The following THEM4 variants were observed in gnomAD, a reference collection of about 807,000 sequenced individuals.
The protein encoded by THEM4 is thioesterase superfamily member 4, also known as acyl-coenzyme A thioesterase THEM4.
THEM4 carries 22 observed loss-of-function variants against 25.0 expected under a neutral mutation model. The ratio of observed to expected loss-of-function variants is 0.88; its 90% CI spans 0.63 to 1.26. The LOEUF is 1.26. Ranked by LOEUF, THEM4 falls within the 50% of genes most tolerant of loss-of-function variation. The probability of loss-of-function intolerance (pLI) is 0.00; values close to 1 mark genes in which losing one functional copy is unlikely to be tolerated. For missense variants in THEM4, 286 were observed against 300.3 expected, an observed-to-expected ratio of 0.95 and a Z score of 0.35; for synonymous variants, 113 against 105.6, an observed-to-expected ratio of 1.07 and a Z score of -0.43.
In THEM4 at chr1:151,874,768, G is replaced by A. The variant is rs562135725; in HGVS notation, c.*120C>T. 68 of 881,970 alleles carry A rather than the reference G, an allele frequency of 7.7e-5. No individual in the cohort carries two copies. In the East Asian group the frequency reaches 1.3e-3, roughly 17 times the overall value. 54.6% of individuals were successfully genotyped at this position (881,970 alleles called of 1,614,324 possible). A position where few individuals can be genotyped will look rare whatever the true frequency, so the allele number is the denominator to read the frequency against. ...CTCTTTGTATTCAGAAGGCTGTTTC[G>A]GAAGGTCACTGTTGGCAGGCTTCTC... On this transcript the variant is annotated 3_prime_UTR_variant, in exon 6 of 6. Coordinates refer to ENST00000368814, the MANE Select transcript of THEM4 (RefSeq NM_053055.5).
At position 151,871,325 on chromosome 1, in the gene THEM4, G is replaced by GAAAAAAAAAAAAAAAAAAA. The variant is rs11304399; in HGVS notation, c.*3562_*3563insTTTTTTTTTTTTTTTTTTT. Among the ~76,000 whole-genome samples, 1 of 123,732 alleles carries GAAAAAAAAAAAAAAAAAAA rather than the reference G, an allele frequency of 8.1e-6. No individual in the cohort carries two copies. The highest frequency in any genetic ancestry group is 3.1e-5 in the African/African-American group (1 of 32,428). 81.2% of individuals were successfully genotyped at this position (123,732 alleles called of 152,430 possible). On this transcript the variant is annotated 3_prime_UTR_variant, in exon 6 of 6. Coordinates refer to ENST00000368814, the MANE Select transcript of THEM4 (RefSeq NM_053055.5). ...AGGCGACAGAGCCAGACCCTGTCTT[G>GAAAAAAAAAAAAAAAAAAA]AAAAAAAAAAAAAAAAAAGAAAAAG...
intron 4 of THEM4, among the ~76,000 whole-genome samples, chr1:151,883,397 G>A (rs1377013184): frequency 1.3e-5 from 2 of 152,044 alleles, no homozygotes; most frequent in Admixed American, 6.6e-5. Context: ...TTACAGGCGT[G>A]AGCCACGGTG....
chr1:151,872,459 T>C lies in THEM4; in HGVS notation c.*2429A>G, dbSNP rs1202842093. ...AGGAAAGAAATGGAAGCCCAAATAA[T>C]CTATTGCCTGCACTAGGAAGCAGAA... is the stretch of plus-strand genomic sequence containing the variant. On this transcript the variant is annotated 3_prime_UTR_variant, in exon 6 of 6. Coordinates refer to ENST00000368814, the MANE Select transcript of THEM4 (RefSeq NM_053055.5). Among the ~76,000 whole-genome samples, 1 of 152,198 alleles carries C rather than the reference T, an allele frequency of 6.6e-6. No homozygotes were observed. The highest frequency in any genetic ancestry group is 6.6e-5 in the Admixed American group (1 of 15,266).
At chr1:151,881,929 A>G (rs1653828752) in intron 4 of THEM4, among the ~76,000 whole-genome samples, 1 of 152,124 alleles carries the variant, frequency 6.6e-6, no homozygotes, top group Non-Finnish European at 1.5e-5. Flanking sequence ...CTATTTTTCT[A>G]GGACTCTAAT....
chr1:151,888,507 T>C, intron 3 of THEM4, 124 bp from the exon 4 acceptor site: 2 of 665,414 alleles, frequency 3.0e-6, no homozygotes, highest in Non-Finnish European at 2.5e-6. Flanking sequence ...ACTTAGCCCA[T>C]GTTCAGTGTA....
intron 1 of THEM4, among the ~76,000 whole-genome samples, chr1:151,897,165 C>G (rs1654243029): frequency 6.6e-6 from 1 of 152,216 alleles, no homozygotes; most frequent in African/African-American, 2.4e-5. Flanking sequence ...CTGCAGTTAT[C>G]TTGGAACATG....
intron 1 of THEM4, among the ~76,000 whole-genome samples, chr1:151,900,880 G>A (rs1432048645): frequency 1.3e-5 from 2 of 152,224 alleles, no homozygotes; most frequent in Non-Finnish European, 2.9e-5. Flanking sequence ...AAGGTTGTGG[G>A]TTTACCGGAA....
At chr1:151,892,005 G>C (rs1654105724) in intron 2 of THEM4, among the ~76,000 whole-genome samples, 1 of 151,998 alleles carries the variant, frequency 6.6e-6, no homozygotes, top group African/African-American at 2.4e-5. Context: ...ACCCAGGCTT[G>C]TCTCAAACTC....
intron 1 of THEM4, among the ~76,000 whole-genome samples, chr1:151,902,969 C>T (rs1654383013): frequency 6.6e-6 from 1 of 152,090 alleles, no homozygotes; most frequent in Admixed American, 6.5e-5. Flanking sequence ...GTCCGGGCAA[C>T]AGAGTGAGAT....
At chr1:151,896,931 AGAG>A (rs1654238423) in intron 1 of THEM4, among the ~76,000 whole-genome samples, 1 of 152,212 alleles carries the variant, frequency 6.6e-6, no homozygotes, top group Non-Finnish European at 1.5e-5. Flanking sequence ...TATAGGAGAA[AGAG>A]GAGTAGGGAG....
chr1:151,876,030 G>A (rs1653664145), intron 5 of THEM4, among the ~76,000 whole-genome samples: 1 of 152,148 alleles, frequency 6.6e-6, no homozygotes, highest in South Asian at 2.1e-4. Flanking sequence ...TTCATTGTGG[G>A]ACAGTCACAT....
chr1:151,879,095 G>T (rs931821953), intron 4 of THEM4, among the ~76,000 whole-genome samples: 1 of 152,020 alleles, frequency 6.6e-6, no homozygotes, highest in Admixed American at 6.6e-5. Context: ...TGAATATTAT[G>T]AATAACTTTA....
chr1:151,909,418 G>GC lies in THEM4; in HGVS notation c.40dup (p.Ala14GlyfsTer26), dbSNP rs1246182316. 3.4e-6 allele frequency: 5 copies of GC among 1,486,038 alleles called. No individual in the cohort carries two copies. The highest frequency in any genetic ancestry group is 1.3e-5 in the South Asian group (1 of 79,124). 92.1% of individuals were successfully genotyped at this position (1,486,038 alleles called of 1,614,324 possible). ...CCGGCCTACTGGCGGCAGGCACAGA[G>GC]CCCCCAGCGTGCGGAGGCGCGCGGC... On this transcript the variant is annotated frameshift_variant, in exon 1 of 6. Coordinates refer to ENST00000368814, the MANE Select transcript of THEM4 (RefSeq NM_053055.5). LOFTEE classifies it high-confidence loss of function.
chr1:151,901,984 A>G (rs947110599), intron 1 of THEM4, among the ~76,000 whole-genome samples: 2 of 152,256 alleles, frequency 1.3e-5, no homozygotes, highest in Admixed American at 1.3e-4. Flanking sequence ...AACCTCTGGG[A>G]TACAGCTAAG....
chr1:151,887,611 C>T (rs536758741), intron 4 of THEM4, among the ~76,000 whole-genome samples: 4 of 151,876 alleles, frequency 2.6e-5, no homozygotes, highest in African/African-American at 9.7e-5. Context: ...TGAAAAGACT[C>T]GGTGTTTTGT....
intron 5 of THEM4, 140 bp downstream of exon 5, chr1:151,876,861 A>G (rs911648210): frequency 2.0e-6 from 2 of 999,198 alleles, no homozygotes; most frequent in South Asian, 3.7e-5. Context: ...TATGGGTTAT[A>G]ATACCAGGGC....
intron 1 of THEM4, among the ~76,000 whole-genome samples, chr1:151,895,988 C>CTTTT (rs1176553580): frequency 6.7e-5 from 8 of 119,206 alleles, no homozygotes; most frequent in African/African-American, 8.9e-5. Context: ...TTCTTGCTTC[C>CTTTT]TTTTTTTTTT....
In THEM4 at chr1:151,889,188, C is replaced by T. The variant is rs1234540620; in HGVS notation, c.446+26G>A. On this transcript the variant is annotated intron_variant, in intron 3 of 5. Transcript: ENST00000368814. The stretch of plus-strand genomic sequence containing the variant: ...AGTGTAAGATAAAAATCTTTTAGAT[C>T]CACACTTTCAGGCTATCATTCTTAC... 5 of 1,606,912 alleles carry T rather than the reference C, an allele frequency of 3.1e-6. No individual in the cohort carries two copies. In the South Asian group the frequency reaches 5.5e-5, roughly 18 times the overall value.
At position 151,876,984 on chromosome 1, in the gene THEM4, T is replaced by G. The variant is rs202217862; in HGVS notation, c.682+17A>C. The stretch of plus-strand genomic sequence containing the variant: ...ACCCAACTAAACCCCAAGAAAGAGA[T>G]AAGACCAGCTTCTTACTTGTCGCCT... On this transcript the variant is annotated intron_variant, in intron 5 of 5. Coordinates refer to ENST00000368814, the MANE Select transcript of THEM4 (RefSeq NM_053055.5). 61 of 1,595,666 alleles carry G rather than the reference T, an allele frequency of 3.8e-5. No homozygotes were observed. In the East Asian group the frequency reaches 1.3e-3, roughly 33 times the overall value.
Sources: allele counts gnomAD v4.1 joint callset (sites outside exome capture counted in the v4.1 genomes callset), GRCh38; gene constraint gnomAD v4.1.1; transcripts MANE v1.5; gene names NCBI Gene and HGNC (gene_info 2026-07-23, HGNC 2026-07-21).